Variants in ELN observed in about 807,000 individuals in gnomAD.
ELN encodes the protein tropoelastin.
Under a neutral mutation model 105.8 loss-of-function variants are expected in ELN, and 65 were observed. The ratio of observed to expected loss-of-function variants is 0.61; its 90% confidence interval spans 0.50 to 0.75. ELN has a LOEUF of 0.75. ELN is among the 30% of genes least tolerant of loss of function. ELN has a pLI of 0.00. For missense variants in ELN, 882 were observed against 969.4 expected (o/e 0.91, Z 1.20); for synonymous variants, 368 against 389.2 (o/e 0.95, Z 0.64).
chr7:74,034,275 C>G (rs1554664171), intron 1 of ELN, among the ~76,000 whole-genome samples: 1 of 152,150 alleles, frequency 6.6e-6, no homozygotes, highest in African/African-American at 2.4e-5. Context: ...CCAGCCTGCC[C>G]TTCCCAAAGC....
At chr7:74,059,727 T>C in intron 22 of ELN, 159 bp from the exon 23 acceptor site, 1 of 752,128 alleles carries the variant, frequency 1.3e-6, no homozygotes, top group Non-Finnish European at 2.4e-6. Flanking sequence ...ACACACTTCA[T>C]ATTAGGGAGG....
chr7:74,029,533 G>T (rs1186713787), intron 1 of ELN, among the ~76,000 whole-genome samples: 1 of 152,150 alleles, frequency 6.6e-6, no homozygotes, highest in African/African-American at 2.4e-5. Flanking sequence ...ACGCTGAGTG[G>T]GGGGCGGGAG....
In ELN at chr7:74,063,091, C is replaced by G; in HGVS notation, c.1787-62C>G. 1 of 1,553,380 alleles carries G rather than the reference C, an allele frequency of 6.4e-7. No individual in the cohort carries two copies. The highest frequency in any genetic ancestry group is 2.4e-5 in the East Asian group (1 of 42,254). ...GCCACCTGTCTGCTTGCCTTGTGTC[C>G]CTGGGGCAGGGAGACCCATCGTTCA... On this transcript the variant is annotated intron_variant, in intron 26 of 32. Transcript: ENST00000252034. The surrounding 1 kb of genome is among the most constrained non-coding windows in gnomAD (Gnocchi z 4.1).
chr7:74,068,844 C>G lies in ELN; in HGVS notation c.*144C>G. 1.0e-6 allele frequency: 1 copy of G among 997,532 alleles called. No homozygotes were observed. The highest frequency in any genetic ancestry group is 1.6e-6 in the Non-Finnish European group (1 of 642,030). 61.8% of individuals were successfully genotyped at this position (997,532 alleles called of 1,614,324 possible). On this transcript the variant is annotated 3_prime_UTR_variant, in exon 33 of 33. Coordinates refer to ENST00000252034, the MANE Select transcript of ELN (RefSeq NM_000501.4). ...GGGCAGGCCGGGCGGCCTTGCAGAT[C>G]CACAGGGCAAGGAAACAAGAGGGGA...
At position 74,042,427 on chromosome 7, in the gene ELN, C is replaced by CA. The variant is rs141916734; in HGVS notation, c.233-174dup. On this transcript the variant is annotated intron_variant, in intron 5 of 32. Transcript: ENST00000252034. Reference sequence around the variant, plus strand: ...TGGGTGACAGAGTGAGACCTTGTGTCAAAAAAAAAAAAATCCATTACCGGT... The same window carrying CA: ...TGGGTGACAGAGTGAGACCTTGTGTCAAAAAAAAAAAAAATCCATTACCGGT... Among the ~76,000 whole-genome samples, 17,157 of 142,282 alleles carry CA rather than the reference C, an allele frequency of 0.12. 1,316 individuals carry two copies. Among genetic ancestry groups the CA allele is most frequent in the African/African-American group, 0.22 (8,574 of 39,042 alleles). The allele number at this position is 142,282 out of a possible 152,430, so 93.3% of individuals were successfully genotyped here. A position where few individuals can be genotyped will look rare whatever the true frequency, so the allele number is the denominator to read the frequency against.
At position 74,037,383 on chromosome 7, in the gene ELN, A is replaced by G. The variant is rs555132870; in HGVS notation, c.164-324A>G. Among the ~76,000 whole-genome samples the G allele has an allele frequency of 5.3e-5, 8 of 151,780 alleles. No homozygotes were observed. The East Asian group carries it at 1.6e-3, about 30-fold the overall frequency. On this transcript the variant is annotated intron_variant, in intron 3 of 32. Coordinates refer to ENST00000252034, the MANE Select transcript of ELN (RefSeq NM_000501.4). ...TAATTTTTGTATTTTTAGTAGAGACAGGGTTTCACCATGTTTGCCAGGCTG... is the reference window on the plus strand; with the variant it reads ...TAATTTTTGTATTTTTAGTAGAGACGGGGTTTCACCATGTTTGCCAGGCTG...
At position 74,059,866 on chromosome 7, in the gene ELN, A is replaced by T; in HGVS notation, c.1415-20A>T. On this transcript the variant is annotated intron_variant, in intron 22 of 32. Transcript: ENST00000252034. ...TTTGATCAGGTCTTGGTTAATGATC[A>T]GCTCTTCTCAATCTTGCAGGGTTAG... is the stretch of plus-strand genomic sequence containing the variant. 9.5e-7 allele frequency: 1 copy of T among 1,052,508 alleles called. No individual in the cohort carries two copies. The highest frequency in any genetic ancestry group is 1.5e-6 in the Non-Finnish European group (1 of 666,606). 65.2% of individuals were successfully genotyped at this position (1,052,508 alleles called of 1,614,324 possible).
At chr7:74,053,941 G>A (rs1554678016) in intron 18 of ELN, among the ~76,000 whole-genome samples, 2 of 151,954 alleles carry the variant, frequency 1.3e-5, no homozygotes, top group African/African-American at 4.8e-5. Flanking sequence ...TGGATGGATG[G>A]GAGGCTGAAT....
chr7:74,063,255 G>A lies in ELN; in HGVS notation c.1858+31G>A, dbSNP rs1554686193. On this transcript the variant is annotated intron_variant, in intron 27 of 32. Coordinates refer to ENST00000252034, the MANE Select transcript of ELN (RefSeq NM_000501.4). The surrounding 1 kb of genome is among the most constrained non-coding windows in gnomAD (Gnocchi z 4.1). The stretch of plus-strand genomic sequence containing the variant: ...TTGAAACCCCAGGAGGGGCAGGGTG[G>A]GGAGGGAATCTAACCAGTACAGAGT... The A allele has an allele frequency of 6.3e-7, 1 of 1,596,032 alleles. No homozygotes were observed. The highest frequency in any genetic ancestry group is 2.3e-5 in the East Asian group (1 of 44,362).
Position 74,059,927 on chromosome 7 carries a change from G to A in ELN, c.1456G>A (p.Ala486Thr). ...CGGCGTGGCTCCTGGAGTTGGCGTGGCTCCTGGTGTCGGTGTGGCTCCTGG... is the reference window on the plus strand; with the variant it reads ...CGGCGTGGCTCCTGGAGTTGGCGTGACTCCTGGTGTCGGTGTGGCTCCTGG... ...GVGVAPGVGV[A>T]PGVGVAPGVG... Residue 486 changes from alanine to threonine, a missense_variant, in exon 23 of 33, where the codon GCT becomes ACT. By Grantham distance (58) the Ala-to-Thr change is moderately conservative. Transcript: ENST00000252034. 6 of 1,585,512 alleles carry A rather than the reference G, an allele frequency of 3.8e-6. No homozygotes were observed. The highest frequency in any genetic ancestry group is 5.2e-6 in the Non-Finnish European group (6 of 1,154,440).
At chr7:74,039,395 G>T (rs964698308) in intron 4 of ELN, among the ~76,000 whole-genome samples, 1 of 152,174 alleles carries the variant, frequency 6.6e-6, no homozygotes, top group African/African-American at 2.4e-5. Context: ...CAGAAGGGTC[G>T]GCAGAGCCCC....
At position 74,060,096 on chromosome 7, in the gene ELN, G is replaced by C. The variant is rs782041041; in HGVS notation, c.1577-44G>C. The C allele has an allele frequency of 1.1e-5, 18 of 1,614,116 alleles. No individual in the cohort carries two copies. In the African/African-American group the frequency reaches 1.7e-4, roughly 16 times the overall value. On this transcript the variant is annotated intron_variant, in intron 23 of 32. Coordinates refer to ENST00000252034, the MANE Select transcript of ELN (RefSeq NM_000501.4). Reference sequence around the variant, plus strand: ...CTGAGGGGCCCCCGAAGCCTCCATGGGCCCCGCCTCCATCTCTAATCCCCC... The same window carrying C: ...CTGAGGGGCCCCCGAAGCCTCCATGCGCCCCGCCTCCATCTCTAATCCCCC...
At chr7:74,047,800 G>A in intron 13 of ELN, 84 bp downstream of exon 13, 2 of 1,590,790 alleles carry the variant, frequency 1.3e-6, no homozygotes, top group Non-Finnish European at 8.6e-7. Flanking sequence ...TCCAGCCCTG[G>A]GCCAGGAGAG....
rs1209999040 is a variant in ELN at position 74,059,974 on chromosome 7, T to C, written c.1503T>C (p.Val501=). ...CTGGAGTTGGCTTGGCTCCTGGAGT[T>C]GGCGTGGCTCCTGGAGTTGGTGTGG... The part of the protein sequence containing the change: ...VAPGVGLAPG[V]GVAPGVGVAP... The change falls in exon 23 of 33, where the codon GTT becomes GTC. Residue 501 remains valine (V), a synonymous_variant. Transcript: ENST00000252034. The C allele has an allele frequency of 5.0e-6, 8 of 1,612,728 alleles. No individual in the cohort carries two copies. In the East Asian group the frequency reaches 1.8e-4, roughly 36 times the overall value.
intron 1 of ELN, among the ~76,000 whole-genome samples, chr7:74,033,471 C>T (rs1423828604): frequency 6.6e-6 from 1 of 152,250 alleles, no homozygotes; most frequent in Non-Finnish European, 1.5e-5. Flanking sequence ...CAGCGGATGA[C>T]AGGGCCCAAG....
chr7:74,041,037 C>T (rs1042991733), intron 4 of ELN, among the ~76,000 whole-genome samples, 179 bp from the exon 5 acceptor site: 1 of 152,170 alleles, frequency 6.6e-6, no homozygotes, highest in Non-Finnish European at 1.5e-5. Flanking sequence ...ACATAGTAGT[C>T]GCTCACTAAA....
intron 29 of ELN, 59 bp from the exon 30 acceptor site, chr7:74,065,635 G>C (rs879959391): frequency 7.7e-6 from 9 of 1,175,004 alleles, no homozygotes; most frequent in Non-Finnish European, 1.1e-5. Context: ...AAAAAAAAAA[G>C]ACAGGGCCTG....
chr7:74,060,167 C>T lies in ELN; in HGVS notation c.1604C>T (p.Ala535Val). The change falls in exon 24 of 33, where the codon GCT becomes GTT. Residue 535 changes from alanine (A) to valine (V), a missense_variant. Ala to Val is a moderately conservative substitution (Grantham distance 64). Coordinates refer to ENST00000252034, the MANE Select transcript of ELN (RefSeq NM_000501.4). ...GCAGCAAAATCCGCTGCCAAGGTGGCTGCCAAAGCCCAGCTCCGTGAGTGC... is the reference window on the plus strand; with the variant it reads ...GCAGCAAAATCCGCTGCCAAGGTGGTTGCCAAAGCCCAGCTCCGTGAGTGC... ...AAAAKSAAKV[A>V]AKAQLRAAAG... is the part of the protein sequence containing the mutation. 2 of 1,614,134 alleles carry T rather than the reference C, an allele frequency of 1.2e-6. No homozygotes were observed. The highest frequency in any genetic ancestry group is 1.7e-6 in the Non-Finnish European group (2 of 1,180,044).
chr7:74,036,559 T>C lies in ELN; in HGVS notation c.138T>C (p.Ala46=), dbSNP rs1789998777. The change falls in exon 3 of 33, where the codon GCT becomes GCC. Residue 46 remains alanine, a synonymous_variant. Transcript: ENST00000252034. The part of the protein sequence containing the change: ...GVPGGVFYPG[A]GLGALGGGAL... ...TCTCTTTCTCTCCCCCCACAGGGGC[T>C]GGTCTCGGAGCCCTTGGAGGAGGAG... 1.2e-6 allele frequency: 2 copies of C among 1,614,124 alleles called. No individual in the cohort carries two copies. The highest frequency in any genetic ancestry group is 1.7e-6 in the Non-Finnish European group (2 of 1,180,036).
Sources: allele counts gnomAD v4.1 joint callset (sites outside exome capture counted in the v4.1 genomes callset), GRCh38; gene constraint gnomAD v4.1.1; non-coding constraint Gnocchi (gnomAD v3.1); transcripts MANE v1.5; gene names NCBI Gene and HGNC (gene_info 2026-07-23, HGNC 2026-07-21).